ADGRA2: variants seen among roughly 807,000 people sequenced by gnomAD.
The protein encoded by ADGRA2 is adhesion G protein-coupled receptor A2.
A neutral mutation model predicts 98.7 loss-of-function variants in ADGRA2; 61 were observed. That is an observed-to-expected ratio of 0.62 (90% CI 0.50 to 0.76). The LOEUF (loss-of-function observed/expected upper bound fraction) is 0.76, where lower values mean the gene tolerates loss of function less well. ADGRA2 is among the 30% of genes least tolerant of loss of function. The probability of loss-of-function intolerance (pLI) is 0.00; values close to 1 mark genes in which losing one functional copy is unlikely to be tolerated. For synonymous variants in ADGRA2, 858 were observed against 831.5 expected (o/e 1.03, Z -0.55); for missense variants, 1,712 against 1,860.0 (o/e 0.92, Z 1.46).
chr8:37,807,645 G>A (rs1230579640), intron 1 of ADGRA2, among the ~76,000 whole-genome samples: 1 of 152,170 alleles, frequency 6.6e-6, no homozygotes, highest in Non-Finnish European at 1.5e-5. Flanking sequence ...GGGCTTTTTG[G>A]CATCAGCAAG....
chr8:37,829,051 C>A, intron 3 of ADGRA2, 92 bp downstream of exon 3: 2 of 899,514 alleles, frequency 2.2e-6, no homozygotes, highest in Non-Finnish European at 3.3e-6. Context: ...TCCTCTCACC[C>A]CCCCACACCT....
intron 1 of ADGRA2, among the ~76,000 whole-genome samples, chr8:37,806,615 T>A (rs1563338064): frequency 6.7e-6 from 1 of 148,522 alleles, no homozygotes; most frequent in Non-Finnish European, 1.5e-5. Flanking sequence ...CTGCAACCTC[T>A]GCCTCCTGGG....
intron 8 of ADGRA2, 102 bp downstream of exon 8, chr8:37,831,689 G>C (rs984536957): frequency 2.0e-6 from 2 of 1,000,836 alleles, no homozygotes; most frequent in Admixed American, 4.2e-5. Context: ...TGTCTCTGTT[G>C]GGTCCTAAAG....
intron 2 of ADGRA2, among the ~76,000 whole-genome samples, chr8:37,824,194 G>A (rs374373279): frequency 4.6e-5 from 7 of 151,922 alleles, no homozygotes; most frequent in African/African-American, 1.7e-4. Context: ...ACCACGCCCA[G>A]CTAATTTTTG....
chr8:37,841,637 C>T lies in ADGRA2; in HGVS notation c.3299C>T (p.Pro1100Leu). ...AAPHAPPRAL[P>L]AAAEDGSPVF... ...CCCCATGCCCCGCCCCGGGCCCTGC[C>T]CGCCGCCGCAGAGGACGGTTCCCCG... Residue 1100 changes from proline to leucine, a missense_variant, in exon 19 of 19, where the codon CCC (proline) becomes CTC (leucine). Physicochemically the swap from Pro to Leu is moderately conservative, Grantham distance 98. Coordinates refer to ENST00000412232, the MANE Select transcript of ADGRA2 (RefSeq NM_032777.10). This position sits in a 1 kb window ranked among gnomAD's most constrained non-coding sequence, Gnocchi z 5.0. 6.6e-7 allele frequency: 1 copy of T among 1,526,364 alleles called. No individual in the cohort carries two copies. Among genetic ancestry groups the T allele is most frequent in the Non-Finnish European group, 8.8e-7 (1 of 1,136,768 alleles). The allele number at this position is 1,526,364 out of a possible 1,614,324, so 94.6% of individuals were successfully genotyped here.
intron 1 of ADGRA2, among the ~76,000 whole-genome samples, chr8:37,804,550 G>A (rs1414090191): frequency 6.6e-6 from 1 of 152,204 alleles, no homozygotes; most frequent in African/African-American, 2.4e-5. Flanking sequence ...GCAAACAGGA[G>A]GTCAAAATAC....
rs1019240871 is a variant in ADGRA2, at chr8:37,843,342, T to A, written c.*987T>A. ...AAGGCCAGAGGAAGAACCATCCCAA[T>A]CATTTGATCTCCAGCTCCACAGTAG... On this transcript the variant is annotated 3_prime_UTR_variant, in exon 19 of 19. Coordinates refer to ENST00000412232, the MANE Select transcript of ADGRA2 (RefSeq NM_032777.10). 1 of 152,166 alleles carries A rather than the reference T, an allele frequency of 6.6e-6. No individual in the cohort carries two copies. The highest frequency in any genetic ancestry group is 1.5e-5 in the Non-Finnish European group (1 of 68,056). 9.4% of individuals were successfully genotyped at this position (152,166 alleles called of 1,614,324 possible). A position where few individuals can be genotyped will look rare whatever the true frequency, so the allele number is the denominator to read the frequency against.
At chr8:37,823,287 A>G (rs1361316761) in intron 2 of ADGRA2, among the ~76,000 whole-genome samples, 1 of 145,826 alleles carries the variant, frequency 6.9e-6, no homozygotes, top group African/African-American at 2.6e-5. Flanking sequence ...TGCAGCCTTG[A>G]CTTCCTGGGC....
intron 1 of ADGRA2, among the ~76,000 whole-genome samples, chr8:37,807,553 C>A (rs77800245): frequency 0.019 from 2,857 of 152,280 alleles, 96 homozygotes; most frequent in African/African-American, 0.066. Context: ...TTAGGCATCT[C>A]TTTGAGCCCT....
chr8:37,810,038 G>A, intron 1 of ADGRA2, among the ~76,000 whole-genome samples: 1 of 152,188 alleles, frequency 6.6e-6, no homozygotes. Flanking sequence ...TGTTGGCAGA[G>A]AATAGAGTAG....
In ADGRA2 at chr8:37,830,499, G is replaced by T. The variant is rs1367971552; in HGVS notation, c.719-211G>T. 1.3e-5 allele frequency among the ~76,000 whole-genome samples: 2 copies of T among 152,150 alleles called. No homozygotes were observed. Among genetic ancestry groups the T allele is most frequent in the Non-Finnish European group, 2.9e-5 (2 of 68,030 alleles). On this transcript the variant is annotated intron_variant, in intron 6 of 18. Transcript: ENST00000412232. The surrounding 1 kb of genome is among the most constrained non-coding windows in gnomAD (Gnocchi z 4.8). ...TTGGGGTAACACGTGTGCTGAGAAA[G>T]GAGTACTTTTCTTTGTCCAAAAACC...
intron 2 of ADGRA2, among the ~76,000 whole-genome samples, chr8:37,818,466 G>A (rs1805038643): frequency 1.3e-5 from 2 of 152,262 alleles, no homozygotes; most frequent in South Asian, 4.1e-4. Flanking sequence ...CCCTGAGCAT[G>A]GCAGGCAATC....
At chr8:37,826,938 G>A (rs1409204522) in intron 2 of ADGRA2, among the ~76,000 whole-genome samples, 1 of 152,148 alleles carries the variant, frequency 6.6e-6, no homozygotes, top group Non-Finnish European at 1.5e-5. Context: ...TAAGGCCTGG[G>A]AAAGCAAGTG....
Position 37,833,767 on chromosome 8 carries a change from A to G in ADGRA2, c.1376A>G (p.Asp459Gly). ...VYTAEAASFS[D>G]MMDVVYVAQM... The stretch of plus-strand genomic sequence containing the variant: ...ACAGCCGAGGCCGCTAGCTTTTCAG[A>G]CATGATGGATGTAGTCTATGTGGCT... The change falls in exon 10 of 19, where the codon GAC becomes GGC. Residue 459 changes from aspartate to glycine, a missense_variant. Transcript: ENST00000412232. 2 of 1,614,166 alleles carry G rather than the reference A, an allele frequency of 1.2e-6. No homozygotes were observed. Among genetic ancestry groups the G allele is most frequent in the Non-Finnish European group, 8.5e-7 (1 of 1,180,006 alleles).
At chr8:37,815,066 G>C in intron 2 of ADGRA2, 99 bp downstream of exon 2, 1 of 870,326 alleles carries the variant, frequency 1.1e-6, no homozygotes, top group Non-Finnish European at 1.9e-6. Flanking sequence ...AGTGACTCCA[G>C]AACCTGCCGG....
In ADGRA2 at chr8:37,841,238, T is replaced by C. The variant is rs1363539992; in HGVS notation, c.2900T>C (p.Leu967Pro). The change falls in exon 19 of 19, where the codon CTG becomes CCG. Residue 967 changes from leucine (L) to proline (P), a missense_variant. Leu to Pro is a moderately conservative substitution (Grantham distance 98). Coordinates refer to ENST00000412232, the MANE Select transcript of ADGRA2 (RefSeq NM_032777.10). The surrounding 1 kb of genome is among the most constrained non-coding windows in gnomAD (Gnocchi z 5.0). ...AAGGCGGGCAACAGCAGGGCCTCCC[T>C]GGAGGCAGGGGAGGAGCTGAGGGGT... is the stretch of plus-strand genomic sequence containing the variant. ...NPKAGNSRAS[L>P]EAGEELRGST... 1 of 1,613,298 alleles carries C rather than the reference T, an allele frequency of 6.2e-7. No individual in the cohort carries two copies. Among genetic ancestry groups the C allele is most frequent in the Admixed American group, 1.7e-5 (1 of 59,990 alleles).
At chr8:37,816,610 A>G (rs1183705326) in intron 2 of ADGRA2, among the ~76,000 whole-genome samples, 3 of 150,244 alleles carry the variant, frequency 2.0e-5, no homozygotes, top group East Asian at 4.0e-4. Context: ...ACACACACAC[A>G]CACACACACA....
rs927889412 is a variant in ADGRA2, at chr8:37,842,103, C to G, written c.3765C>G (p.Gly1255=). The G allele has an allele frequency of 6.6e-7, 1 of 1,507,172 alleles. No individual in the cohort carries two copies. Among genetic ancestry groups the G allele is most frequent in the African/African-American group, 1.4e-5 (1 of 69,480 alleles). The allele number at this position is 1,507,172 out of a possible 1,614,324, so 93.4% of individuals were successfully genotyped here. A position where few individuals can be genotyped will look rare whatever the true frequency, so the allele number is the denominator to read the frequency against. ...AGCCCATGCTCACGCCGTCCGAGGG[C>G]AGCGACACCAGCGCCGCGCCGCTTT... ...EGEPMLTPSE[G]SDTSAAPLSE... The change falls in exon 19 of 19, where the codon GGC becomes GGG. Residue 1255 remains glycine (G), a synonymous_variant. Transcript: ENST00000412232.
At chr8:37,806,490 ATTTTCTTTTTCT>A (rs370008167) in intron 1 of ADGRA2, among the ~76,000 whole-genome samples, 6 of 118,588 alleles carry the variant, frequency 5.1e-5, no homozygotes, top group Admixed American at 8.0e-5. Context: ...TGGGTGTGGC[ATTTTCTTTTTCT>A]TTTTCTTTTT....
Sources: allele counts gnomAD v4.1 joint callset (sites outside exome capture counted in the v4.1 genomes callset), GRCh38; gene constraint gnomAD v4.1.1; non-coding constraint Gnocchi (gnomAD v3.1); transcripts MANE v1.5; gene names NCBI Gene and HGNC (gene_info 2026-07-23, HGNC 2026-07-21).